Variants in KIF20B observed in about 807,000 individuals in gnomAD.
The protein encoded by KIF20B is kinesin-like protein KIF20B.
In KIF20B, 188 loss-of-function variants were observed where a neutral mutation model predicts 232.5. The ratio of observed to expected loss-of-function variants is 0.81; its 90% CI spans 0.72 to 0.91. The LOEUF (loss-of-function observed/expected upper bound fraction) is 0.91. Among genes scored for constraint, KIF20B ranks in the 40% least tolerant of loss-of-function variants. KIF20B has a pLI of 0.00. For missense variants in KIF20B, 2,154 were observed against 2,055.9 expected (o/e 1.05, Z -0.92); for synonymous variants, 712 against 683.0 (o/e 1.04, Z -0.66).
At chr10:89,755,065 T>C (rs957022584) in intron 26 of KIF20B, among the ~76,000 whole-genome samples, 1 of 152,236 alleles carries the variant, frequency 6.6e-6, no homozygotes, top group Admixed American at 6.5e-5. Flanking sequence ...ATATATATAG[T>C]AGAAATGACC....
At position 89,747,606 on chromosome 10, in the gene KIF20B, AATC is replaced by A. The variant is rs546026034; in HGVS notation, c.4096+1653_4096+1655del. ...TTGTAGGGACATGGATGAAGTTGGA[AATC>A]ATCATTCTCAGTAAACTATCGCAAG... On this transcript the variant is annotated intron_variant, in intron 23 of 32. Coordinates refer to ENST00000371728, the MANE Select transcript of KIF20B (RefSeq NM_001284259.2). Among the ~76,000 whole-genome samples, 576 of 152,028 alleles carry A rather than the reference AATC, an allele frequency of 3.8e-3. 5 individuals carry two copies. Among genetic ancestry groups the A allele is most frequent in the African/African-American group, 0.013 (546 of 41,412 alleles).
At chr10:89,743,017 TG>T (rs1375221934) in intron 21 of KIF20B, among the ~76,000 whole-genome samples, 3 of 152,136 alleles carry the variant, frequency 2.0e-5, no homozygotes, top group Non-Finnish European at 4.4e-5. Flanking sequence ...ATGCTTTTTA[TG>T]GGGCATCTTT....
intron 23 of KIF20B, among the ~76,000 whole-genome samples, chr10:89,746,168 G>C (rs111782321): frequency 2.0e-5 from 3 of 152,202 alleles, no homozygotes; most frequent in Non-Finnish European, 4.4e-5. Context: ...CCCAGTGGGC[G>C]TGTTCTACAG....
At chr10:89,730,568 G>A (rs1446137060) in intron 18 of KIF20B, among the ~76,000 whole-genome samples, 1 of 152,100 alleles carries the variant, frequency 6.6e-6, no homozygotes. Context: ...GTAGAGGAAG[G>A]GGACAGTGGT....
chr10:89,752,653 G>T lies in KIF20B; in HGVS notation c.4309G>T (p.Val1437Leu), dbSNP rs145399222. 304 of 1,593,434 alleles carry T rather than the reference G, an allele frequency of 1.9e-4. No homozygotes were observed. Among genetic ancestry groups the T allele is most frequent in the Non-Finnish European group, 2.4e-4 (277 of 1,170,762 alleles). The change falls in exon 25 of 33, where the codon GTG becomes TTG. Residue 1437 changes from valine (V) to leucine (L), a missense_variant. Coordinates refer to ENST00000371728, the MANE Select transcript of KIF20B (RefSeq NM_001284259.2). ...TAAAGAACATGAGAACAACACAGAT[G>T]TGCTTGGAAAGCTCACTAATCTTCA... is the stretch of plus-strand genomic sequence containing the variant. ...SNKEHENNTD[V>L]LGKLTNLQDE...
In KIF20B at chr10:89,726,419, A is replaced by G. The variant is rs748647932; in HGVS notation, c.2128A>G (p.Thr710Ala). The change falls in exon 16 of 33, where the codon ACT becomes GCT. Residue 710 changes from threonine to alanine, a missense_variant. Thr to Ala is a moderately conservative substitution (Grantham distance 58, BLOSUM62 0). Transcript: ENST00000371728. ...IASLPDPQEA[T>A]ACLELKFNQI... ...ATCTCTTCCTGACCCCCAGGAAGCT[A>G]CTGCTTGTTTAGAACTAAAGTTTAA... 8 of 1,598,742 alleles carry G rather than the reference A, an allele frequency of 5.0e-6. No homozygotes were observed. In the East Asian group the frequency reaches 1.4e-4, roughly 27 times the overall value.
intron 22 of KIF20B, 41 bp downstream of exon 22, chr10:89,743,968 CTT>C (rs751823304): frequency 7.8e-6 from 12 of 1,529,920 alleles, no homozygotes; most frequent in Non-Finnish European, 6.2e-6. Flanking sequence ...AATGCATTCT[CTT>C]GGTATATTTT....
At chr10:89,705,662 G>T (rs552665292) in intron 2 of KIF20B, among the ~76,000 whole-genome samples, 2 of 152,266 alleles carry the variant, frequency 1.3e-5, no homozygotes, top group South Asian at 4.1e-4. Context: ...AAGTTTTATT[G>T]CATCACAATC....
intron 2 of KIF20B, among the ~76,000 whole-genome samples, chr10:89,705,841 C>T (rs767453930): frequency 1.1e-4 from 16 of 152,132 alleles, no homozygotes; most frequent in African/African-American, 3.6e-4. Flanking sequence ...TGAGATTTGT[C>T]GTGTGTCATA....
intron 27 of KIF20B, among the ~76,000 whole-genome samples, chr10:89,760,287 A>G (rs1335695834): frequency 6.6e-6 from 1 of 152,150 alleles, no homozygotes; most frequent in African/African-American, 2.4e-5. Context: ...AGTTGCAAGC[A>G]GTCTTTCAAA....
rs1841714503 is a variant in KIF20B, at chr10:89,738,374, G to C, written c.3533G>C (p.Ser1178Thr). The change falls in exon 20 of 33, where the codon AGT becomes ACT. Residue 1178 changes from serine to threonine, a missense_variant. Physicochemically the swap from Ser to Thr is moderately conservative, Grantham distance 58. Transcript: ENST00000371728. ...TILETQKVEC[S>T]HSAKLEQDIL... is the part of the protein sequence containing the mutation. ...TTAGAGACTCAGAAAGTTGAATGTA[G>C]TCATTCAGCCAAGTTAGAACAAGAC... 2 of 1,606,670 alleles carry C rather than the reference G, an allele frequency of 1.2e-6. No individual in the cohort carries two copies. The highest frequency in any genetic ancestry group is 1.7e-6 in the Non-Finnish European group (2 of 1,177,852).
intron 5 of KIF20B, 77 bp downstream of exon 5, chr10:89,710,142 G>A: frequency 7.9e-7 from 1 of 1,270,194 alleles, no homozygotes; most frequent in Non-Finnish European, 1.1e-6. Flanking sequence ...ATACATACAT[G>A]TAGTTATGTT....
intron 20 of KIF20B, 80 bp from the exon 21 acceptor site, chr10:89,738,878 A>T: frequency 7.0e-7 from 1 of 1,427,148 alleles, no homozygotes; most frequent in Non-Finnish European, 9.4e-7. Flanking sequence ...ATAATTTTGT[A>T]AAGATTGTTA....
intron 7 of KIF20B, among the ~76,000 whole-genome samples, chr10:89,714,458 CAG>C (rs1842897271): frequency 6.6e-6 from 1 of 152,030 alleles, no homozygotes; most frequent in East Asian, 1.9e-4. Flanking sequence ...AGCCTGACAA[CAG>C]AGTGAAACTG....
At chr10:89,711,560 G>A (rs1031745935) in intron 6 of KIF20B, among the ~76,000 whole-genome samples, 1 of 151,804 alleles carries the variant, frequency 6.6e-6, no homozygotes, top group Non-Finnish European at 1.5e-5. Context: ...TATTGTTTTT[G>A]GACCTTTTCT....
chr10:89,727,819 C>T (rs1843222981), intron 16 of KIF20B, 37 bp from the exon 17 acceptor site: 1 of 1,491,874 alleles, frequency 6.7e-7, no homozygotes, highest in African/African-American at 1.4e-5. Flanking sequence ...TTTTTAGATG[C>T]TTAGATATTT....
intron 6 of KIF20B, among the ~76,000 whole-genome samples, chr10:89,712,966 T>TC (rs1842863197): frequency 6.6e-6 from 1 of 152,202 alleles, no homozygotes; most frequent in South Asian, 2.1e-4. Context: ...AGTCTGTGAC[T>TC]ATGGTCTCTG....
intron 21 of KIF20B, 52 bp downstream of exon 21, chr10:89,739,148 T>C: frequency 1.3e-6 from 2 of 1,558,790 alleles, no homozygotes; most frequent in Non-Finnish European, 1.7e-6. Flanking sequence ...ATTGTTTTCC[T>C]TATATATCAA....
chr10:89,716,859 C>T (rs563221067), intron 9 of KIF20B, among the ~76,000 whole-genome samples: 1 of 152,052 alleles, frequency 6.6e-6, no homozygotes, highest in African/African-American at 2.4e-5. Flanking sequence ...TCTCACTTAT[C>T]CCCTGAATAC....
Sources: gnomAD v4.1 joint callset for allele counts (sites outside exome capture counted in the v4.1 genomes callset) on GRCh38, gnomAD v4.1.1 for gene constraint, MANE v1.5 for transcripts, NCBI Gene and HGNC (gene_info 2026-07-23, HGNC 2026-07-21) for gene names.